Variants in PRMT7 observed in about 807,000 individuals in gnomAD.
PRMT7 encodes the protein protein arginine methyltransferase 7.
Under a neutral mutation model 85.4 loss-of-function variants are expected in PRMT7, and 75 were observed. The observed-to-expected ratio is 0.88, with a 90% confidence interval of 0.73 to 1.06. The LOEUF (loss-of-function observed/expected upper bound fraction) is 1.06, where lower values mean the gene tolerates loss of function less well. Ranked by LOEUF, PRMT7 falls within the 50% of genes least tolerant of loss-of-function variation. The pLI is 0.00. For missense variants in PRMT7, 868 were observed against 915.2 expected (o/e 0.95, Z 0.67); for synonymous variants, 397 against 359.5 (o/e 1.10, Z -1.18).
intron 12 of PRMT7, 143 bp downstream of exon 12, chr16:68,347,437 G>T (rs1182371209): frequency 1.9e-6 from 2 of 1,058,226 alleles, no homozygotes; most frequent in Non-Finnish European, 2.7e-6. Flanking sequence ...GGGGCTGGGG[G>T]GTTTATTGCC....
intron 9 of PRMT7, among the ~76,000 whole-genome samples, chr16:68,344,457 G>A (rs946656105): frequency 2.6e-5 from 4 of 152,166 alleles, no homozygotes; most frequent in Admixed American, 6.5e-5. Flanking sequence ...TCCGGGCCCC[G>A]TGGCCTTCAG....
downstream of PRMT7, chr16:68,360,226 G>A (rs969982907): frequency 6.6e-6 from 1 of 152,662 alleles, no homozygotes; most frequent in Admixed American, 6.5e-5. Flanking sequence ...TGTCCCGTGG[G>A]GGAGAGGATT....
At chr16:68,316,438 T>C (rs910619026) in intron 3 of PRMT7, among the ~76,000 whole-genome samples, 1 of 149,362 alleles carries the variant, frequency 6.7e-6, no homozygotes, top group South Asian at 2.1e-4. Flanking sequence ...ATGAAAATGG[T>C]TTTTTTTTTC....
intron 2 of PRMT7, among the ~76,000 whole-genome samples, chr16:68,314,122 A>G (rs1252245202): frequency 6.6e-6 from 1 of 152,222 alleles, no homozygotes; most frequent in East Asian, 1.9e-4. Context: ...ACTAGGGGAT[A>G]GGTATGCTGA....
chr16:68,335,297 C>T (rs2084502999), intron 6 of PRMT7, among the ~76,000 whole-genome samples: 1 of 152,166 alleles, frequency 6.6e-6, no homozygotes, highest in East Asian at 1.9e-4. Flanking sequence ...AGTGGACAGG[C>T]AGTCAGCGGT....
At chr16:68,323,234 T>TA (rs1162509215) in intron 4 of PRMT7, among the ~76,000 whole-genome samples, 1 of 151,420 alleles carries the variant, frequency 6.6e-6, no homozygotes, top group East Asian at 1.9e-4. Flanking sequence ...TTTTTTTTTT[T>TA]AACAAGAATG....
chr16:68,330,784 G>A (rs1181210491), intron 6 of PRMT7, among the ~76,000 whole-genome samples: 2 of 151,868 alleles, frequency 1.3e-5, no homozygotes, highest in South Asian at 2.1e-4. Context: ...TAGTGGAGAC[G>A]GGGTTTCACC....
intron 5 of PRMT7, among the ~76,000 whole-genome samples, chr16:68,328,785 C>T (rs1031478910): frequency 1.3e-5 from 2 of 152,096 alleles, no homozygotes; most frequent in Non-Finnish European, 2.9e-5. Context: ...GGCTTTTTGG[C>T]GTCCTCTTGT....
At chr16:68,327,164 G>T (rs1303043846) in intron 5 of PRMT7, among the ~76,000 whole-genome samples, 3 of 152,124 alleles carry the variant, frequency 2.0e-5, no homozygotes, top group Non-Finnish European at 4.4e-5. Flanking sequence ...TTTGTCCCTT[G>T]ATTATAGTAA....
In PRMT7 at chr16:68,356,566, C is replaced by T. The variant is rs1042559451; in HGVS notation, c.1812-135C>T. 14 of 668,908 alleles carry T rather than the reference C, an allele frequency of 2.1e-5. No homozygotes were observed. In the Admixed American group the frequency reaches 2.9e-4, roughly 14 times the overall value. 41.4% of individuals were successfully genotyped at this position (668,908 alleles called of 1,614,324 possible). ...TTTCTGAGGAACGTTTATGTAACTG[C>T]AGCACTAGGAACTCCCGGCAGGGCA... On this transcript the variant is annotated intron_variant, in intron 17 of 18. Coordinates refer to ENST00000441236, the MANE Select transcript of PRMT7 (RefSeq NM_019023.5).
At chr16:68,311,362 G>A (rs1283755376) in intron 1 of PRMT7, 1 of 289,414 alleles carries the variant, frequency 3.5e-6, no homozygotes, top group African/African-American at 2.3e-5. Flanking sequence ...CAGCCACAGA[G>A]ACCGCAGTAG....
intron 4 of PRMT7, 151 bp from the exon 5 acceptor site, chr16:68,324,532 C>T: frequency 2.3e-6 from 2 of 867,998 alleles, no homozygotes; most frequent in Non-Finnish European, 3.5e-6. Flanking sequence ...AAGACCTGCC[C>T]AACTCAGCCA....
chr16:68,327,484 A>C (rs1466595569), intron 5 of PRMT7, among the ~76,000 whole-genome samples: 1 of 152,038 alleles, frequency 6.6e-6, no homozygotes, highest in Non-Finnish European at 1.5e-5. Context: ...TGGGGCCAGG[A>C]TAGGGAAGGC....
chr16:68,344,933 T>TACACACACACACACACATACACAC (rs1555563399), intron 9 of PRMT7, among the ~76,000 whole-genome samples: 18 of 131,164 alleles, frequency 1.4e-4, no homozygotes, highest in African/African-American at 3.6e-4. Flanking sequence ...CCTGCATCTC[T>TACACACACACACACACATACACAC]ACACACACAC....
Position 68,346,188 on chromosome 16 carries a change from G to A in PRMT7, c.1099G>A (p.Asp367Asn). ...ERVRQMRPVC[D>N]CQAHLLWNRP... Reference sequence around the variant, plus strand: ...AGTCCGCCAGATGCGCCCCGTGTGTGACTGCCAGGCTCACCTGCTCTGGAA... The same window carrying A: ...AGTCCGCCAGATGCGCCCCGTGTGTAACTGCCAGGCTCACCTGCTCTGGAA... Residue 367 changes from aspartate to asparagine, a missense_variant, in exon 11 of 19, where the codon GAC (aspartate) becomes AAC (asparagine). Physicochemically the swap from Asp to Asn is conservative, Grantham distance 23. Transcript: ENST00000441236. The A allele has an allele frequency of 6.2e-7, 1 of 1,614,152 alleles. No homozygotes were observed. Among genetic ancestry groups the A allele is most frequent in the Non-Finnish European group, 8.5e-7 (1 of 1,180,034 alleles).
At chr16:68,339,640 T>G in intron 8 of PRMT7, 77 bp downstream of exon 8, 2 of 1,597,462 alleles carry the variant, frequency 1.3e-6, no homozygotes, top group South Asian at 1.1e-5. Flanking sequence ...TCTTTTTGAG[T>G]GGGAAGGAAA....
intron 6 of PRMT7, among the ~76,000 whole-genome samples, chr16:68,335,423 A>T (rs2084526833): frequency 6.6e-6 from 1 of 151,826 alleles, no homozygotes; most frequent in South Asian, 2.1e-4. Context: ...GGTGGGTGGG[A>T]TGAGTTTTGG....
At chr16:68,345,455 T>C (rs1320725794) in intron 9 of PRMT7, among the ~76,000 whole-genome samples, 2 of 152,226 alleles carry the variant, frequency 1.3e-5, no homozygotes, top group Non-Finnish European at 2.9e-5. Context: ...TTGCTGCTCT[T>C]GGCCACATTG....
At position 68,355,944 on chromosome 16, in the gene PRMT7, C is replaced by T. The variant is rs1403875418; in HGVS notation, c.1811+61C>T. On this transcript the variant is annotated intron_variant, in intron 17 of 18. Transcript: ENST00000441236. ...TGCTGCTTGCCCTTGGAGTTCTCAC[C>T]CCCGTGGTGAGCACAGCTGGCCTGG... 17 of 1,453,058 alleles carry T rather than the reference C, an allele frequency of 1.2e-5. No individual in the cohort carries two copies. In the East Asian group the frequency reaches 4.0e-4, roughly 34 times the overall value. 90.0% of individuals were successfully genotyped at this position (1,453,058 alleles called of 1,614,324 possible). A position where few individuals can be genotyped will look rare whatever the true frequency, so the allele number is the denominator to read the frequency against.
Sources: gnomAD v4.1 joint callset for allele counts (sites outside exome capture counted in the v4.1 genomes callset) on GRCh38, gnomAD v4.1.1 for gene constraint, MANE v1.5 for transcripts, NCBI Gene and HGNC (gene_info 2026-07-23, HGNC 2026-07-21) for gene names.